SEZ6L: variants seen among roughly 807,000 people sequenced by gnomAD.
SEZ6L encodes seizure related 6 homolog like.
Under a neutral mutation model 106.2 loss-of-function variants are expected in SEZ6L, and 37 were observed. The ratio of observed to expected loss-of-function variants is 0.35; its 90% confidence interval spans 0.27 to 0.46. SEZ6L has a LOEUF of 0.46. Ranked by LOEUF, SEZ6L falls within the 20% of genes least tolerant of loss-of-function variation. The pLI is 1.00. For missense variants in SEZ6L, 1,172 were observed against 1,332.8 expected (o/e 0.88, Z 1.88); for synonymous variants, 541 against 570.4 (o/e 0.95, Z 0.73).
chr22:26,179,072 T>C (rs1184557365), intron 1 of SEZ6L, among the ~76,000 whole-genome samples: 6 of 152,142 alleles, frequency 3.9e-5, no homozygotes, highest in Non-Finnish European at 8.8e-5. Context: ...AGAGGTCCCA[T>C]GAATGCAATA....
intron 1 of SEZ6L, among the ~76,000 whole-genome samples, chr22:26,232,845 C>T (rs1174156974): frequency 1.3e-5 from 2 of 152,226 alleles, no homozygotes; most frequent in African/African-American, 4.8e-5. Flanking sequence ...CCTCAGTCTC[C>T]TCATCTGTAA....
intron 6 of SEZ6L, among the ~76,000 whole-genome samples, chr22:26,310,343 C>A (rs1422152265): frequency 6.6e-6 from 1 of 152,178 alleles, no homozygotes; most frequent in Non-Finnish European, 1.5e-5. Flanking sequence ...CGAGACCAGC[C>A]TGGCCAACAT....
At position 26,195,727 on chromosome 22, in the gene SEZ6L, G is replaced by A. The variant is rs1023930929; in HGVS notation, c.94+25964G>A. 3.3e-5 allele frequency among the ~76,000 whole-genome samples: 5 copies of A among 151,880 alleles called. No homozygotes were observed. In the East Asian group the frequency reaches 5.8e-4, roughly 18 times the overall value. ...AGTTAATATGTGTGTGTATGTATACGTATGTGTATGTATGTGTGTGTGTGT... is the reference window on the plus strand; with the variant it reads ...AGTTAATATGTGTGTGTATGTATACATATGTGTATGTATGTGTGTGTGTGT... On this transcript the variant is annotated intron_variant, in intron 1 of 16. Transcript: ENST00000248933.
At chr22:26,216,501 C>T (rs529380988) in intron 1 of SEZ6L, among the ~76,000 whole-genome samples, 43 of 152,146 alleles carry the variant, frequency 2.8e-4, no homozygotes, top group Admixed American at 5.2e-4. Flanking sequence ...ACTAAAAGTA[C>T]AGTAATTAGC....
At chr22:26,376,183 C>A (rs150389624) in intron 15 of SEZ6L, among the ~76,000 whole-genome samples, 477 of 148,564 alleles carry the variant, frequency 3.2e-3, no homozygotes, top group Admixed American at 7.6e-3. Context: ...GCAGTTTTCT[C>A]GGTTCCAGAA....
At chr22:26,202,049 G>C (rs1940991311) in intron 1 of SEZ6L, among the ~76,000 whole-genome samples, 2 of 152,074 alleles carry the variant, frequency 1.3e-5, no homozygotes. Flanking sequence ...AAGTAGCTGG[G>C]ACTACAGGTG....
intron 10 of SEZ6L, among the ~76,000 whole-genome samples, chr22:26,340,986 G>A (rs1159017394): frequency 6.6e-6 from 1 of 152,110 alleles, no homozygotes; most frequent in East Asian, 1.9e-4. Context: ...CTGAGAACCT[G>A]TTGTCCCCAT....
chr22:26,233,387 A>G (rs2078860419), intron 1 of SEZ6L, among the ~76,000 whole-genome samples: 1 of 152,162 alleles, frequency 6.6e-6, no homozygotes. Context: ...AGGACCCTGG[A>G]GGAGCCTCCC....
At chr22:26,199,278 G>A (rs1012679489) in intron 1 of SEZ6L, among the ~76,000 whole-genome samples, 2 of 152,158 alleles carry the variant, frequency 1.3e-5, no homozygotes, top group South Asian at 2.1e-4. Flanking sequence ...AGAACCCAGG[G>A]CCTGTTGCTT....
chr22:26,294,709 T>C (rs892930217), intron 3 of SEZ6L, among the ~76,000 whole-genome samples: 2 of 130,088 alleles, frequency 1.5e-5, no homozygotes, highest in East Asian at 2.2e-4. Flanking sequence ...CACACACGCA[T>C]GCACGTGCAT....
At chr22:26,262,708 C>T (rs1413887164) in intron 1 of SEZ6L, among the ~76,000 whole-genome samples, 1 of 152,082 alleles carries the variant, frequency 6.6e-6, no homozygotes, top group Non-Finnish European at 1.5e-5. Context: ...GAAAGACTAG[C>T]CAGACGGGAG....
intron 1 of SEZ6L, among the ~76,000 whole-genome samples, chr22:26,279,779 C>T (rs1413013494): frequency 6.6e-6 from 1 of 152,142 alleles, no homozygotes; most frequent in East Asian, 1.9e-4. Context: ...CATCCCTCCT[C>T]CCCCTGGAGA....
chr22:26,173,734 C>T (rs541657274), intron 1 of SEZ6L, among the ~76,000 whole-genome samples: 26 of 152,254 alleles, frequency 1.7e-4, no homozygotes, highest in Admixed American at 1.4e-3. Flanking sequence ...AAGCTCAGGG[C>T]GCCAACAGAC....
chr22:26,359,943 T>A (rs528714851), intron 12 of SEZ6L, among the ~76,000 whole-genome samples: 7 of 152,360 alleles, frequency 4.6e-5, no homozygotes, highest in Non-Finnish European at 8.8e-5. Context: ...ATATTGTAAA[T>A]GTTGGCTGTT....
chr22:26,371,304 G>A (rs73158668), intron 13 of SEZ6L, among the ~76,000 whole-genome samples: 1 of 152,186 alleles, frequency 6.6e-6, no homozygotes, highest in African/African-American at 2.4e-5. Context: ...AAGATCTATG[G>A]ATATCGAGTT....
intron 1 of SEZ6L, among the ~76,000 whole-genome samples, chr22:26,175,913 C>G (rs1298749509): frequency 6.6e-6 from 1 of 152,190 alleles, no homozygotes; most frequent in African/African-American, 2.4e-5. Flanking sequence ...AGTTAAGATG[C>G]TTTGCACATA....
At chr22:26,348,535 A>AAGGAAGGAAGGC (rs2083087271) in intron 11 of SEZ6L, among the ~76,000 whole-genome samples, 1 of 91,064 alleles carries the variant, frequency 1.1e-5, no homozygotes, top group African/African-American at 5.6e-5. Context: ...GGAAGGAAGG[A>AAGGAAGGAAGGC]AGGAAGGAAG....
intron 1 of SEZ6L, among the ~76,000 whole-genome samples, chr22:26,209,228 C>G (rs1379334487): frequency 6.6e-6 from 1 of 152,132 alleles, no homozygotes; most frequent in African/African-American, 2.4e-5. Flanking sequence ...TCTAGATCAT[C>G]ATGGAGTGGG....
chr22:26,247,926 C>A (rs2079418424), intron 1 of SEZ6L, among the ~76,000 whole-genome samples: 1 of 152,156 alleles, frequency 6.6e-6, no homozygotes, highest in Admixed American at 6.5e-5. Context: ...ACCGTTAGAA[C>A]CCACAATGAC....
Sources: gnomAD v4.1 joint callset for allele counts (sites outside exome capture counted in the v4.1 genomes callset) on GRCh38, gnomAD v4.1.1 for gene constraint, MANE v1.5 for transcripts, NCBI Gene and HGNC (gene_info 2026-07-23, HGNC 2026-07-21) for gene names.